Variants in ANXA8 observed in about 807,000 individuals in gnomAD.
ANXA8 encodes VAC-beta.
Under a neutral mutation model 26.8 loss-of-function variants are expected in ANXA8, and 9 were observed. The ratio of observed to expected loss-of-function variants is 0.34; its 90% CI spans 0.20 to 0.59. ANXA8 has a LOEUF of 0.59. Ranked by LOEUF, ANXA8 falls within the 20% of genes least tolerant of loss-of-function variation. The pLI is 0.84. For synonymous variants in ANXA8, 39 were observed against 94.8 expected (o/e 0.41, Z 3.42); for missense variants, 83 against 238.5 (o/e 0.35, Z 4.29).
the ANXA8 span, among the ~76,000 whole-genome samples, chr10:47,617,962 GA>G: frequency 8.1e-6 from 1 of 123,270 alleles, no homozygotes; most frequent in South Asian, 2.5e-4. Flanking sequence ...TCTGAAAAAT[GA>G]AATGAAATTG....
At chr10:47,660,910 A>T in the ANXA8 span, among the ~76,000 whole-genome samples, 756 of 150,998 alleles carry the variant, frequency 5.0e-3, 18 homozygotes, top group African/African-American at 0.018. Context: ...GTATCTAAAA[A>T]GTTTTTCATC....
the ANXA8 span, among the ~76,000 whole-genome samples, chr10:47,691,749 A>G: frequency 6.7e-6 from 1 of 148,904 alleles, no homozygotes; most frequent in Non-Finnish European, 1.5e-5. Context: ...ACAGAGTTAG[A>G]CCTTTCTGCT....
chr10:47,981,980 C>T, the ANXA8 span, among the ~76,000 whole-genome samples: 2 of 151,084 alleles, frequency 1.3e-5, 1 homozygote, highest in South Asian at 4.2e-4. Context: ...GAGAGGACTA[C>T]ACTTCCTGAT....
chr10:47,665,984 T>C, the ANXA8 span, among the ~76,000 whole-genome samples: 1 of 151,848 alleles, frequency 6.6e-6, no homozygotes, highest in Non-Finnish European at 1.5e-5. Flanking sequence ...TCACTCTTAA[T>C]TGCTAACTTG....
At chr10:47,484,415 T>C, upstream of ANXA8, 2 of 1,099,304 alleles carry the variant, frequency 1.8e-6, no homozygotes, top group Non-Finnish European at 2.6e-6. Context: ...CCATGGAGTA[T>C]GCCATTTAAT....
At chr10:47,942,514 C>A in the ANXA8 span, among the ~76,000 whole-genome samples, 2 of 139,558 alleles carry the variant, frequency 1.4e-5, 1 homozygote, top group South Asian at 4.6e-4. Context: ...AGATTGCTGG[C>A]TGATCTAGTT....
At chr10:47,528,126 C>T in the ANXA8 span, among the ~76,000 whole-genome samples, 1 of 136,554 alleles carries the variant, frequency 7.3e-6, no homozygotes, top group Non-Finnish European at 1.6e-5. Context: ...GTCACCCAGG[C>T]TGGAGTGCAG....
the ANXA8 span, chr10:47,696,369 A>G: frequency 9.6e-7 from 1 of 1,043,610 alleles, no homozygotes; most frequent in Non-Finnish European, 1.3e-6. Flanking sequence ...GAAGGAATTT[A>G]TGGCATGATC....
the ANXA8 span, chr10:47,564,415 TG>T: frequency 1.0e-6 from 1 of 1,002,008 alleles, no homozygotes; most frequent in Non-Finnish European, 1.5e-6. Flanking sequence ...TGCTCCAAGC[TG>T]GTGAAGTGGC....
chr10:47,558,809 C>A, the ANXA8 span, among the ~76,000 whole-genome samples: 1 of 151,850 alleles, frequency 6.6e-6, no homozygotes, highest in African/African-American at 2.4e-5. Context: ...GTCCTGTTCA[C>A]CTTCAGCCTT....
the ANXA8 span, among the ~76,000 whole-genome samples, chr10:47,761,974 C>T: frequency 7.4e-6 from 1 of 135,900 alleles, no homozygotes. Flanking sequence ...ATCAAACCTG[C>T]CCTCACCAGA....
the ANXA8 span, among the ~76,000 whole-genome samples, chr10:47,772,109 A>T: frequency 2.0e-5 from 3 of 151,594 alleles, no homozygotes; most frequent in Admixed American, 1.3e-4. Flanking sequence ...CTATCAAATC[A>T]GATATGAGAA....
the ANXA8 span, among the ~76,000 whole-genome samples, chr10:47,588,420 C>T: frequency 7.4e-6 from 1 of 135,864 alleles, no homozygotes; most frequent in Non-Finnish European, 1.5e-5. Flanking sequence ...TGGAGCCTTT[C>T]TTAACAGCTG....
chr10:47,502,971 G>A, the ANXA8 span: 15 of 1,563,772 alleles, frequency 9.6e-6, 1 homozygote, highest in Admixed American at 1.8e-5. Context: ...TGAGCTTGGG[G>A]CTGGTGGTGC....
At chr10:47,672,387 G>T in the ANXA8 span, among the ~76,000 whole-genome samples, 2 of 152,042 alleles carry the variant, frequency 1.3e-5, no homozygotes, top group East Asian at 3.9e-4. Flanking sequence ...GATCACACAG[G>T]TTCTTTTTTG....
At chr10:47,547,369 T>G in the ANXA8 span, among the ~76,000 whole-genome samples, 1 of 140,994 alleles carries the variant, frequency 7.1e-6, no homozygotes, top group Admixed American at 7.3e-5. Context: ...GTGTATAAAA[T>G]AAGCTACCGT....
At chr10:47,986,524 C>T in the ANXA8 span, 24 of 308,342 alleles carry the variant, frequency 7.8e-5, no homozygotes, top group African/African-American at 4.4e-4. Flanking sequence ...CAGGTGGCCC[C>T]GGCAGGTCGC....
chr10:47,664,531 G>A, the ANXA8 span, among the ~76,000 whole-genome samples: 2 of 151,292 alleles, frequency 1.3e-5, no homozygotes, highest in African/African-American at 4.9e-5. Context: ...TCACGCCACT[G>A]CACTCCAGCC....
At chr10:47,751,241 C>A in the ANXA8 span, 2 of 145,872 alleles carry the variant, frequency 1.4e-5, no homozygotes, top group South Asian at 2.2e-4. Context: ...AATTTTATAT[C>A]TTGCAACCTT....
Sources: gnomAD v4.1 joint callset for allele counts (sites outside exome capture counted in the v4.1 genomes callset) on GRCh38, gnomAD v4.1.1 for gene constraint, MANE v1.5 for transcripts, NCBI Gene and HGNC (gene_info 2026-07-23, HGNC 2026-07-21) for gene names.